The following DUSP29 variants were observed in gnomAD, a reference collection of about 807,000 sequenced individuals.
DUSP29 encodes the protein atypical dual-specific protein phosphatase.
Under a neutral mutation model 13.5 loss-of-function variants are expected in DUSP29, and 12 were observed. The ratio of observed to expected loss-of-function variants is 0.89; its 90% CI spans 0.57 to 1.44. The LOEUF (loss-of-function observed/expected upper bound fraction) is 1.44. Among genes scored for constraint, DUSP29 ranks in the 40% most tolerant of loss-of-function variants. DUSP29 has a pLI of 0.00. For synonymous variants in DUSP29, 134 were observed against 128.7 expected (o/e 1.04, Z -0.28); for missense variants, 308 against 301.1 (o/e 1.02, Z -0.17).
At chr10:75,050,247 C>T (rs974524452) in intron 2 of DUSP29, among the ~76,000 whole-genome samples, 5 of 152,170 alleles carry the variant, frequency 3.3e-5, no homozygotes, top group Admixed American at 1.3e-4. Context: ...AAGATGTGAA[C>T]GAGATTAAAG....
At chr10:75,055,396 C>A (rs75055159) in intron 2 of DUSP29, among the ~76,000 whole-genome samples, 3,954 of 152,158 alleles carry the variant, frequency 0.026, 87 homozygotes, top group Middle Eastern at 0.085. Flanking sequence ...GTGCAAATAT[C>A]ACACAGAGAT....
intron 2 of DUSP29, among the ~76,000 whole-genome samples, chr10:75,050,151 A>G (rs568636933): frequency 1.8e-4 from 28 of 152,342 alleles, no homozygotes; most frequent in South Asian, 4.1e-4. Flanking sequence ...GGAATTTGCA[A>G]TCACTTTGAT....
chr10:75,054,289 A>C (rs555964028), intron 2 of DUSP29, among the ~76,000 whole-genome samples: 113 of 152,358 alleles, frequency 7.4e-4, no homozygotes, highest in African/African-American at 2.6e-3. Flanking sequence ...AATAATTCTA[A>C]ATATAGAAAA....
chr10:75,041,339 GA>G (rs1192518620), intron 3 of DUSP29, among the ~76,000 whole-genome samples: 10 of 152,184 alleles, frequency 6.6e-5, no homozygotes, highest in Admixed American at 5.9e-4. Flanking sequence ...AGCATTTTAA[GA>G]AATTTCAATC....
At chr10:75,048,474 A>G (rs1412472375) in intron 2 of DUSP29, among the ~76,000 whole-genome samples, 1 of 149,328 alleles carries the variant, frequency 6.7e-6, no homozygotes, top group Non-Finnish European at 1.5e-5. Flanking sequence ...CTCACTGCTC[A>G]CTGCAACCTC....
At chr10:75,056,556 A>C (rs1846963089) in intron 2 of DUSP29, among the ~76,000 whole-genome samples, 2 of 151,882 alleles carry the variant, frequency 1.3e-5, no homozygotes, top group East Asian at 3.9e-4. Context: ...AATCCCAGCT[A>C]CTCAGGAGGC....
At chr10:75,040,981 T>G (rs1177792510) in intron 3 of DUSP29, among the ~76,000 whole-genome samples, 1 of 151,952 alleles carries the variant, frequency 6.6e-6, no homozygotes, top group African/African-American at 2.4e-5. Context: ...AGAAGCCAGG[T>G]AGGGGGAATG....
chr10:75,045,326 C>T (rs781193657), intron 2 of DUSP29, among the ~76,000 whole-genome samples: 10 of 152,186 alleles, frequency 6.6e-5, no homozygotes, highest in Non-Finnish European at 1.0e-4. Context: ...GCTGAGACCA[C>T]GCCACTGCAC....
chr10:75,066,914 G>C (rs1847215836), intron 1 of DUSP29, among the ~76,000 whole-genome samples: 1 of 151,586 alleles, frequency 6.6e-6, no homozygotes, highest in African/African-American at 2.4e-5. Context: ...AGGTTTTGTG[G>C]ATCTTGAAGC....
At chr10:75,069,615 C>T (rs995254262) in intron 1 of DUSP29, among the ~76,000 whole-genome samples, 1 of 152,160 alleles carries the variant, frequency 6.6e-6, no homozygotes, top group Non-Finnish European at 1.5e-5. Flanking sequence ...CTTGGGAAGG[C>T]GAGGGGCTAA....
chr10:75,068,711 G>C (rs940478136), intron 1 of DUSP29, among the ~76,000 whole-genome samples: 6 of 152,188 alleles, frequency 3.9e-5, no homozygotes, highest in African/African-American at 1.4e-4. Context: ...TATTAGGAGA[G>C]TAATACCTAC....
intron 3 of DUSP29, among the ~76,000 whole-genome samples, 173 bp downstream of exon 3, chr10:75,043,624 A>T (rs1170581510): frequency 6.6e-6 from 1 of 152,080 alleles, no homozygotes; most frequent in Non-Finnish European, 1.5e-5. Context: ...TCGCACGCGC[A>T]CATCCCGCTT....
At position 75,043,868 on chromosome 10, in the gene DUSP29, G is replaced by C; in HGVS notation, c.350C>G (p.Pro117Arg). 1 of 1,614,046 alleles carries C rather than the reference G, an allele frequency of 6.2e-7. No homozygotes were observed. The highest frequency in any genetic ancestry group is 8.5e-7 in the Non-Finnish European group (1 of 1,179,946). ...QYHGVEADDL[P>R]TFDLSVFFYP... ...GAAGAAGACACTGAGGTCGAAGGTG[G>C]GCAGGTCGTCGGCCTCCACGCCGTG... The change falls in exon 3 of 4, where the codon CCC (proline) becomes CGC (arginine). Residue 117 changes from proline (P) to arginine (R), a missense_variant. Physicochemically the swap from Pro to Arg is moderately radical, Grantham distance 103. Coordinates refer to ENST00000338487, the MANE Select transcript of DUSP29 (RefSeq NM_001003892.3).
At chr10:75,050,549 TC>T (rs1283925383) in intron 2 of DUSP29, among the ~76,000 whole-genome samples, 1 of 152,268 alleles carries the variant, frequency 6.6e-6, no homozygotes, top group East Asian at 1.9e-4. Context: ...ACCTTCGAAA[TC>T]ATCCTTTATT....
rs760395282 is a variant in DUSP29, at chr10:75,058,377, C to T, written c.138G>A (p.Trp46Ter). 1 of 1,614,234 alleles carries T rather than the reference C, an allele frequency of 6.2e-7. No individual in the cohort carries two copies. The highest frequency in any genetic ancestry group is 1.1e-5 in the South Asian group (1 of 91,088). Residue 46 changes from tryptophan to a stop codon, truncating the protein, a stop_gained, in exon 2 of 4, where the codon TGG becomes TGA. Coordinates refer to ENST00000338487, the MANE Select transcript of DUSP29 (RefSeq NM_001003892.3). LOFTEE classifies it high-confidence loss of function. The part of the protein sequence containing the change: ...PGAFELERLF[W>*]KGSPQYTHVN... ...CGTGGGTGTACTGGGGACTGCCCTT[C>T]CAGAAGAGCCGCTCCAGCTCAAAGG...
chr10:75,069,297 G>A (rs1459083339), intron 1 of DUSP29, among the ~76,000 whole-genome samples: 4 of 152,176 alleles, frequency 2.6e-5, no homozygotes, highest in Non-Finnish European at 2.9e-5. Context: ...TTTCTCGAGC[G>A]GCCAGGGGAG....
chr10:75,069,074 G>A (rs535598913), intron 1 of DUSP29, among the ~76,000 whole-genome samples: 1 of 152,138 alleles, frequency 6.6e-6, no homozygotes, highest in Non-Finnish European at 1.5e-5. Context: ...CATTTTAAAA[G>A]TAATTTAATA....
At chr10:75,057,113 T>G (rs1029224157) in intron 2 of DUSP29, among the ~76,000 whole-genome samples, 3 of 151,814 alleles carry the variant, frequency 2.0e-5, no homozygotes, top group Middle Eastern at 3.2e-3. Flanking sequence ...CTGTTTCTAC[T>G]AAAAATAAAA....
chr10:75,044,377 G>T (rs983561897), intron 2 of DUSP29, among the ~76,000 whole-genome samples: 1 of 152,100 alleles, frequency 6.6e-6, no homozygotes, highest in Non-Finnish European at 1.5e-5. Flanking sequence ...AGAATAACCT[G>T]TTCATCAGGG....
Sources: allele counts gnomAD v4.1 joint callset (sites outside exome capture counted in the v4.1 genomes callset), GRCh38; gene constraint gnomAD v4.1.1; transcripts MANE v1.5; gene names NCBI Gene and HGNC (gene_info 2026-07-23, HGNC 2026-07-21).